The following KCNT1 variants were observed in gnomAD, a reference collection of about 807,000 sequenced individuals.
KCNT1 encodes potassium sodium-activated channel subfamily T member 1.
KCNT1 carries 78 observed loss-of-function variants against 147.8 expected under a neutral mutation model. That is an observed-to-expected ratio of 0.53 (90% CI 0.44 to 0.64). The LOEUF (loss-of-function observed/expected upper bound fraction) is 0.64. Among genes scored for constraint, KCNT1 ranks in the 30% least tolerant of loss-of-function variants. KCNT1 has a pLI of 0.00. For missense variants in KCNT1, 1,419 were observed against 1,750.3 expected (o/e 0.81, Z 3.38); for synonymous variants, 867 against 748.8 (o/e 1.16, Z -2.58).
intron 15 of KCNT1, among the ~76,000 whole-genome samples, chr9:135,769,259 G>A (rs1452067696): frequency 2.8e-5 from 4 of 145,016 alleles, no homozygotes; most frequent in African/African-American, 1.0e-4. Flanking sequence ...GGGGCAGGGC[G>A]CGTGTGCATG....
intron 2 of KCNT1, among the ~76,000 whole-genome samples, chr9:135,727,976 G>A (rs1458682557): frequency 2.0e-5 from 3 of 152,262 alleles, no homozygotes; most frequent in Non-Finnish European, 4.4e-5. Context: ...TTAAAAGAGG[G>A]CGGCAAAGAG....
chr9:135,784,496 TCCCTCCCTCCC>T, intron 25 of KCNT1, 28 bp from the exon 26 acceptor site: 1 of 155,890 alleles, frequency 6.4e-6, no homozygotes. Flanking sequence ...CCTCCCTCCC[TCCCTCCCTCCC>T]TCCCTCCCTC....
chr9:135,768,352 G>GGGGGGGGGGGGGGT, intron 13 of KCNT1: 1 of 222,920 alleles, frequency 4.5e-6, no homozygotes, highest in Non-Finnish European at 8.3e-6. Context: ...GTTGGGGGGG[G>GGGGGGGGGGGGGGT]GGGGGGCAGT....
rs1564394842 is a variant in KCNT1 at position 135,786,514 on chromosome 9, C to CGGCTACGGTAAGGGCACACGGCGCGGGT, written c.3498_3502+23dup. On this transcript the variant is annotated frameshift_variant, in exon 29 of 31. Transcript: ENST00000371757. LOFTEE classifies it high-confidence loss of function. Reference sequence around the variant, plus strand: ...TGAAGCACCTGGGGCTGCCCACCACCGGCTACGGTAAGGGCACACGGCGCG... The same window carrying CGGCTACGGTAAGGGCACACGGCGCGGGT: ...TGAAGCACCTGGGGCTGCCCACCACCGGCTACGGTAAGGGCACACGGCGCGGGTGGCTACGGTAAGGGCACACGGCGCG... 12 of 1,592,262 alleles carry CGGCTACGGTAAGGGCACACGGCGCGGGT rather than the reference C, an allele frequency of 7.5e-6. No homozygotes were observed. The highest frequency in any genetic ancestry group is 1.0e-5 in the Non-Finnish European group (12 of 1,172,634).
chr9:135,719,823 T>TGGCC, intron 2 of KCNT1, among the ~76,000 whole-genome samples: 1 of 151,964 alleles, frequency 6.6e-6, no homozygotes, highest in African/African-American at 2.4e-5. Flanking sequence ...GGGAAGGGAG[T>TGGCC]GGCCGCCTTG....
At chr9:135,702,479 C>A (rs936768887) in intron 1 of KCNT1, 111 bp downstream of exon 1, 26 of 907,094 alleles carry the variant, frequency 2.9e-5, no homozygotes, top group Non-Finnish European at 4.4e-5. Context: ...CCAGGGCCAT[C>A]CAACTTCCCC....
At chr9:135,732,520 T>A (rs575190777) in intron 2 of KCNT1, among the ~76,000 whole-genome samples, 1 of 152,142 alleles carries the variant, frequency 6.6e-6, no homozygotes, top group East Asian at 1.9e-4. Flanking sequence ...GCTCATTGAG[T>A]CATAACTGTA....
At chr9:135,778,316 G>A (rs1041411842) in intron 21 of KCNT1, 108 bp from the exon 22 acceptor site, 50 of 977,588 alleles carry the variant, frequency 5.1e-5, no homozygotes, top group African/African-American at 3.3e-5. Context: ...CGGTTCTGGG[G>A]AACCCCTGCC....
intron 11 of KCNT1, among the ~76,000 whole-genome samples, chr9:135,763,302 G>A (rs1263652949): frequency 7.0e-6 from 1 of 143,312 alleles, no homozygotes; most frequent in Non-Finnish European, 1.6e-5. Flanking sequence ...CAGTGCCCTT[G>A]CCCTTGGTCT....
intron 2 of KCNT1, among the ~76,000 whole-genome samples, chr9:135,743,960 T>C (rs1029858093): frequency 1.7e-4 from 26 of 152,352 alleles, no homozygotes; most frequent in African/African-American, 6.0e-4. Flanking sequence ...GGGTTGGCAG[T>C]GGGCCTGAAG....
At chr9:135,749,492 G>A (rs1023644574) in intron 2 of KCNT1, among the ~76,000 whole-genome samples, 17 of 152,282 alleles carry the variant, frequency 1.1e-4, no homozygotes, top group African/African-American at 3.6e-4. Flanking sequence ...GAAGGGGAGC[G>A]GCACTGGCTG....
rs781111074 is a variant in KCNT1, at chr9:135,786,412, G to A, written c.3393G>A (p.Glu1131=). The change falls in exon 29 of 31, where the codon GAG becomes GAA. Residue 1131 remains glutamate (E), a synonymous_variant. Transcript: ENST00000371757. ...AGGCAGGCCGGGCGGCGGCCGCGGA[G>A]TGGATCAGCCAGCAGCGCCTCAGCC... ...PKQAGRAAAA[E]WISQQRLSLY... 25 of 1,583,186 alleles carry A rather than the reference G, an allele frequency of 1.6e-5. No individual in the cohort carries two copies. The highest frequency in any genetic ancestry group is 2.3e-5 in the South Asian group (2 of 87,968).
chr9:135,767,193 T>C (rs1029531008), intron 13 of KCNT1, among the ~76,000 whole-genome samples: 47 of 152,128 alleles, frequency 3.1e-4, no homozygotes, highest in Non-Finnish European at 4.4e-5. Flanking sequence ...CTGGAACCCA[T>C]TGCCTATGGA....
At chr9:135,742,544 C>T (rs1456760919) in intron 2 of KCNT1, among the ~76,000 whole-genome samples, 1 of 152,220 alleles carries the variant, frequency 6.6e-6, no homozygotes, top group East Asian at 1.9e-4. Flanking sequence ...CCCCACATGG[C>T]TCTGCACATG....
chr9:135,718,926 A>G (rs911316381), intron 2 of KCNT1, among the ~76,000 whole-genome samples: 4 of 152,226 alleles, frequency 2.6e-5, no homozygotes, highest in African/African-American at 9.6e-5. Context: ...GGGATGACCC[A>G]GCCCATCGGT....
In KCNT1 at chr9:135,714,969, T is replaced by C. The variant is rs1273716333; in HGVS notation, c.254+249T>C. Among the ~76,000 whole-genome samples, 2 of 152,206 alleles carry C rather than the reference T, an allele frequency of 1.3e-5. No homozygotes were observed. The highest frequency in any genetic ancestry group is 2.4e-5 in the African/African-American group (1 of 41,452). ...GCTGCGGAGTCTTCCAGAGCCCGACTTGGGGCGCGGAGGCGGAGGGCGGCC... is the reference window on the plus strand; with the variant it reads ...GCTGCGGAGTCTTCCAGAGCCCGACCTGGGGCGCGGAGGCGGAGGGCGGCC... On this transcript the variant is annotated intron_variant, in intron 2 of 30. Transcript: ENST00000371757. This position sits in a 1 kb window ranked among gnomAD's most constrained non-coding sequence, Gnocchi z 6.2.
At position 135,759,679 on chromosome 9, in the gene KCNT1, G is replaced by A. The variant is rs900974997; in HGVS notation, c.855G>A (p.Gly285=). The part of the protein sequence containing the change: ...FCTLLCLVFT[G]TCGIQHLERA... Reference sequence around the variant, plus strand: ...CGCCCCTCACTGCCAGGGGTTGCAGGACCTGCGGCATCCAGCACCTGGAGC... The same window carrying A: ...CGCCCCTCACTGCCAGGGGTTGCAGAACCTGCGGCATCCAGCACCTGGAGC... Residue 285 remains glycine, a splice_region_variant and synonymous_variant, in exon 11 of 31, where the codon GGG becomes GGA. Transcript: ENST00000371757. 6.2e-7 allele frequency: 1 copy of A among 1,602,306 alleles called. No homozygotes were observed. The highest frequency in any genetic ancestry group is 1.3e-5 in the African/African-American group (1 of 74,904).
intron 11 of KCNT1, among the ~76,000 whole-genome samples, chr9:135,762,683 G>A (rs188726312): frequency 6.2e-4 from 95 of 152,320 alleles, no homozygotes; most frequent in African/African-American, 1.9e-3. Flanking sequence ...CCAGGAGGCA[G>A]AGGTTACAGT....
At chr9:135,785,127 G>A (rs1313108789) in intron 27 of KCNT1, among the ~76,000 whole-genome samples, 183 bp from the exon 28 acceptor site, 5 of 152,284 alleles carry the variant, frequency 3.3e-5, no homozygotes, top group Middle Eastern at 3.4e-3. Flanking sequence ...GACCCCTACC[G>A]GGGGCAGAGA....
Sources: gnomAD v4.1 joint callset for allele counts (sites outside exome capture counted in the v4.1 genomes callset) on GRCh38, gnomAD v4.1.1 for gene constraint, Gnocchi (gnomAD v3.1) non-coding constraint, MANE v1.5 for transcripts, NCBI Gene and HGNC (gene_info 2026-07-23, HGNC 2026-07-21) for gene names.